PREX1: variants seen among roughly 807,000 people sequenced by gnomAD.
PREX1 encodes the protein phosphatidylinositol-3,4,5-trisphosphate dependent Rac exchange factor 1, also known as phosphatidylinositol 3,4,5-trisphosphate-dependent Rac exchanger 1 protein.
In PREX1, 41 loss-of-function variants were observed where a neutral mutation model predicts 198.3. That is an observed-to-expected ratio of 0.21 (90% CI 0.16 to 0.27). PREX1 has a LOEUF of 0.27. Ranked by LOEUF, PREX1 falls within the 10% of genes least tolerant of loss-of-function variation. PREX1 has a pLI of 1.00. For synonymous variants in PREX1, 843 were observed against 887.2 expected (o/e 0.95, Z 0.89); for missense variants, 1,620 against 2,200.7 (o/e 0.74, Z 5.28).
intron 1 of PREX1, among the ~76,000 whole-genome samples, chr20:48,775,175 AG>A (rs1054999691): frequency 6.6e-6 from 1 of 152,198 alleles, no homozygotes; most frequent in African/African-American, 2.4e-5. Context: ...GCACTGCTGT[AG>A]GCCCTGGGGA....
Position 48,816,240 on chromosome 20 carries a change from A to G in PREX1, c.219+11402T>C, listed in dbSNP as rs372970758. The stretch of plus-strand genomic sequence containing the variant: ...AGAGAGGGAGTAAATAAAGTAAAGC[A>G]CAGTGGTCACAAATATGGGCTCTGG... On this transcript the variant is annotated intron_variant, in intron 1 of 39. Transcript: ENST00000371941. Among the ~76,000 whole-genome samples the G allele has an allele frequency of 3.9e-5, 6 of 152,236 alleles. No homozygotes were observed. The East Asian group carries it at 7.7e-4, about 20-fold the overall frequency.
chr20:48,651,725 T>A, intron 21 of PREX1, 142 bp from the exon 22 acceptor site: 1 of 769,510 alleles, frequency 1.3e-6, no homozygotes, highest in Non-Finnish European at 2.0e-6. Context: ...TCCGCCAGAG[T>A]AGAGAGGCGA....
chr20:48,624,485 G>A lies in PREX1; in HGVS notation c.*1400C>T, dbSNP rs2089254299. 1 of 152,588 alleles carries A rather than the reference G, an allele frequency of 6.6e-6. No homozygotes were observed. The highest frequency in any genetic ancestry group is 1.5e-5 in the Non-Finnish European group (1 of 68,060). 9.5% of individuals were successfully genotyped at this position (152,588 alleles called of 1,614,324 possible). A position where few individuals can be genotyped will look rare whatever the true frequency, so the allele number is the denominator to read the frequency against. ...CAAGAGAGGGAAGCGCACCCTGGAGGGCGGGAGGCTCGGATGCCAGATGCC... is the reference window on the plus strand; with the variant it reads ...CAAGAGAGGGAAGCGCACCCTGGAGAGCGGGAGGCTCGGATGCCAGATGCC... On this transcript the variant is annotated 3_prime_UTR_variant, in exon 40 of 40. Transcript: ENST00000371941.
At chr20:48,734,705 CCTGACACATG>C (rs1699703825) in intron 3 of PREX1, 55 bp from the exon 4 acceptor site, 8 of 1,505,186 alleles carry the variant, frequency 5.3e-6, no homozygotes, top group Non-Finnish European at 7.4e-6. Context: ...AGGCAGGTGC[CCTGACACATG>C]CTGACCACTG....
intron 37 of PREX1, 31 bp from the exon 38 acceptor site, chr20:48,627,994 GC>G: frequency 7.3e-7 from 1 of 1,369,740 alleles, no homozygotes; most frequent in Non-Finnish European, 1.0e-6. Flanking sequence ...CAGCGGGTTG[GC>G]GGTGGGGGGA....
the PREX1 span, among the ~76,000 whole-genome samples, chr20:48,862,826 A>ATT: frequency 4.8e-5 from 6 of 126,070 alleles, no homozygotes; most frequent in African/African-American, 1.9e-4. Flanking sequence ...AATAAACGTT[A>ATT]TTTTTTTTTT....
intron 14 of PREX1, among the ~76,000 whole-genome samples, chr20:48,672,204 T>C (rs2089680111): frequency 6.6e-6 from 1 of 152,218 alleles, no homozygotes; most frequent in Non-Finnish European, 1.5e-5. Context: ...ACCTGCCTCT[T>C]TCATAGCATC....
intron 1 of PREX1, among the ~76,000 whole-genome samples, chr20:48,752,897 A>G (rs546042679): frequency 4.6e-5 from 7 of 152,168 alleles, no homozygotes; most frequent in Non-Finnish European, 1.0e-4. Flanking sequence ...TGCTGCAGAC[A>G]CTTGTTTCAA....
the PREX1 span, among the ~76,000 whole-genome samples, chr20:48,856,668 G>C: frequency 6.6e-6 from 1 of 152,136 alleles, no homozygotes; most frequent in African/African-American, 2.4e-5. Context: ...ACTTCCCCTA[G>C]GGCAAGAGGG....
At chr20:48,664,000 C>T (rs1385340486) in intron 15 of PREX1, among the ~76,000 whole-genome samples, 1 of 152,210 alleles carries the variant, frequency 6.6e-6, no homozygotes. Context: ...ACACCAAAGA[C>T]ACCACACGTG....
intron 5 of PREX1, among the ~76,000 whole-genome samples, chr20:48,717,160 T>C (rs2089965701): frequency 1.3e-5 from 2 of 152,170 alleles, no homozygotes; most frequent in African/African-American, 4.8e-5. Context: ...GATGTGATAA[T>C]ACCCACCATT....
At chr20:48,762,296 A>G (rs2122844725) in intron 1 of PREX1, among the ~76,000 whole-genome samples, 1 of 152,286 alleles carries the variant, frequency 6.6e-6, no homozygotes, top group Admixed American at 6.5e-5. Flanking sequence ...TGGGCTCATC[A>G]GAGTGGGATT....
At chr20:48,713,770 G>T (rs2089947280) in intron 5 of PREX1, among the ~76,000 whole-genome samples, 1 of 148,318 alleles carries the variant, frequency 6.7e-6, no homozygotes, top group Non-Finnish European at 1.5e-5. Flanking sequence ...GAGAGAGAGA[G>T]ATAGGTTGAT....
chr20:48,870,549 G>A, the PREX1 span, among the ~76,000 whole-genome samples: 3 of 152,224 alleles, frequency 2.0e-5, no homozygotes. Flanking sequence ...AGTTGAAAAA[G>A]TTCCAATCTT....
At chr20:48,867,865 T>G in the PREX1 span, among the ~76,000 whole-genome samples, 991 of 151,606 alleles carry the variant, frequency 6.5e-3, 3 homozygotes, top group African/African-American at 0.023. Flanking sequence ...ATTTACCATC[T>G]TAACCTTTTT....
intron 6 of PREX1, among the ~76,000 whole-genome samples, chr20:48,706,220 T>A (rs1272024190): frequency 6.6e-6 from 1 of 152,168 alleles, no homozygotes; most frequent in Non-Finnish European, 1.5e-5. Context: ...CATCTGGAAA[T>A]CACTTCTGCT....
Position 48,642,501 on chromosome 20 carries a change from T to TAGA in PREX1, c.3602-15_3602-13dup, listed in dbSNP as rs1164877177. The TAGA allele has an allele frequency of 3.1e-6, 5 of 1,604,300 alleles. No homozygotes were observed. Among genetic ancestry groups the TAGA allele is most frequent in the Admixed American group, 3.4e-5 (2 of 59,286 alleles). On this transcript the variant is annotated splice_polypyrimidine_tract_variant and intron_variant, in intron 27 of 39. Coordinates refer to ENST00000371941, the MANE Select transcript of PREX1 (RefSeq NM_020820.4). ...GGGCAGCTCATCTCCTGGCAGGAGGTAGAAGCAGCAGCCATCAGTCATTCC... is the reference window on the plus strand; with the variant it reads ...GGGCAGCTCATCTCCTGGCAGGAGGTAGAAGAAGCAGCAGCCATCAGTCATTCC...
At chr20:48,863,674 G>A in the PREX1 span, among the ~76,000 whole-genome samples, 2 of 141,330 alleles carry the variant, frequency 1.4e-5, no homozygotes, top group East Asian at 2.2e-4. Context: ...TGCAGCCTCC[G>A]CCTCCCAGGT....
chr20:48,761,672 C>T (rs987018816), intron 1 of PREX1, among the ~76,000 whole-genome samples: 2 of 152,204 alleles, frequency 1.3e-5, no homozygotes, highest in Non-Finnish European at 2.9e-5. Context: ...ACGCAGCCCC[C>T]ATCAAGGGGC....
Sources: gnomAD v4.1 joint callset for allele counts (sites outside exome capture counted in the v4.1 genomes callset) on GRCh38, gnomAD v4.1.1 for gene constraint, MANE v1.5 for transcripts, NCBI Gene and HGNC (gene_info 2026-07-23, HGNC 2026-07-21) for gene names.